Variants in MAF observed in about 807,000 individuals in gnomAD.
The protein encoded by MAF is transcription factor Maf.
In MAF, 10 loss-of-function variants were observed where a neutral mutation model predicts 22.0. The ratio of observed to expected loss-of-function variants is 0.45; its 90% confidence interval spans 0.28 to 0.77. The LOEUF (loss-of-function observed/expected upper bound fraction) is 0.77. Among genes scored for constraint, MAF ranks in the 30% least tolerant of loss-of-function variants. The pLI is 0.12. For missense variants in MAF, 544 were observed against 548.4 expected (o/e 0.99, Z 0.08); for synonymous variants, 337 against 255.8 (o/e 1.32, Z -3.03).
the MAF span, among the ~76,000 whole-genome samples, chr16:79,225,032 C>CAA: frequency 2.0e-5 from 3 of 152,154 alleles, no homozygotes; most frequent in South Asian, 6.2e-4. Flanking sequence ...CATATGGAAC[C>CAA]AAAAAAGAGC....
At chr16:79,496,118 A>C in the MAF span, among the ~76,000 whole-genome samples, 3 of 152,144 alleles carry the variant, frequency 2.0e-5, no homozygotes, top group African/African-American at 7.2e-5. Flanking sequence ...AAAAATTATG[A>C]GATAAAAATG....
At chr16:79,404,876 TTCTC>T in the MAF span, among the ~76,000 whole-genome samples, 11 of 152,114 alleles carry the variant, frequency 7.2e-5, no homozygotes, top group African/African-American at 2.7e-4. Flanking sequence ...GCTCCCCTCC[TTCTC>T]TCTCTCTTCT....
chr16:79,245,830 G>A, the MAF span, among the ~76,000 whole-genome samples: 10 of 152,030 alleles, frequency 6.6e-5, 1 homozygote, highest in African/African-American at 2.4e-5. Context: ...GTGATAGACT[G>A]GATAAAGAAA....
At chr16:79,286,921 C>T in the MAF span, among the ~76,000 whole-genome samples, 2 of 152,146 alleles carry the variant, frequency 1.3e-5, no homozygotes, top group Admixed American at 1.3e-4. Context: ...TGGAGTATGG[C>T]ACAGACCTGA....
the MAF span, among the ~76,000 whole-genome samples, chr16:79,529,127 T>A: frequency 6.6e-6 from 1 of 152,186 alleles, no homozygotes; most frequent in Non-Finnish European, 1.5e-5. Context: ...GCTACATCAG[T>A]GGCCTCCTGA....
the MAF span, among the ~76,000 whole-genome samples, chr16:79,498,489 G>A: frequency 4.6e-5 from 7 of 152,334 alleles, 1 homozygote; most frequent in South Asian, 1.5e-3. Flanking sequence ...CAGGCTTCAG[G>A]CTAGCTTTGG....
chr16:79,302,385 GAA>G, the MAF span, among the ~76,000 whole-genome samples: 1 of 151,890 alleles, frequency 6.6e-6, no homozygotes, highest in Non-Finnish European at 1.5e-5. Context: ...AGGCTACCAA[GAA>G]AAGTGGTCAG....
chr16:79,336,226 C>G, the MAF span, among the ~76,000 whole-genome samples: 2 of 152,208 alleles, frequency 1.3e-5, no homozygotes, highest in African/African-American at 4.8e-5. Flanking sequence ...CACTACTTGT[C>G]ACATGGCAGC....
chr16:79,557,064 C>T, the MAF span, among the ~76,000 whole-genome samples: 1 of 151,874 alleles, frequency 6.6e-6, no homozygotes, highest in Non-Finnish European at 1.5e-5. Flanking sequence ...GTGATCCTCC[C>T]AGGTAGCTGC....
the MAF span, among the ~76,000 whole-genome samples, chr16:79,243,222 G>C: frequency 6.6e-6 from 1 of 151,878 alleles, no homozygotes; most frequent in African/African-American, 2.4e-5. Context: ...GAAGGTGATA[G>C]AGACACAAAA....
the MAF span, among the ~76,000 whole-genome samples, chr16:79,464,281 G>C: frequency 6.6e-6 from 1 of 152,186 alleles, no homozygotes; most frequent in Non-Finnish European, 1.5e-5. Flanking sequence ...CAAGCATGAA[G>C]TGTGCGTAGA....
At chr16:79,368,689 A>G in the MAF span, among the ~76,000 whole-genome samples, 14 of 152,248 alleles carry the variant, frequency 9.2e-5, no homozygotes, top group East Asian at 2.3e-3. Context: ...GCTCACTTCA[A>G]TGACAATGGC....
chr16:79,582,623 T>A (rs1286517938), downstream of MAF, among the ~76,000 whole-genome samples: 1 of 152,180 alleles, frequency 6.6e-6, no homozygotes, highest in Non-Finnish European at 1.5e-5. Context: ...GATGTGGTAG[T>A]TAGGGAGGAG....
chr16:79,421,626 T>A, the MAF span, among the ~76,000 whole-genome samples: 1 of 138,136 alleles, frequency 7.2e-6, no homozygotes, highest in East Asian at 2.3e-4. Context: ...AGTTAGTAAA[T>A]GAAGAAAAGT....
Position 79,600,525 on chromosome 16 carries a change from C to T in MAF, c.-623G>A, listed in dbSNP as rs1450402790. On this transcript the variant is annotated 5_prime_UTR_variant, in exon 1 of 2. Coordinates refer to ENST00000326043, the MANE Select transcript of MAF (RefSeq NM_005360.5). ...TCTCTCCCTCGCGCGCTCTCTACCTCTGTGCAAAGTGCAAGGCAGAGGTGC... is the reference window on the plus strand; with the variant it reads ...TCTCTCCCTCGCGCGCTCTCTACCTTTGTGCAAAGTGCAAGGCAGAGGTGC... The T allele has an allele frequency of 5.1e-6, 1 of 194,702 alleles. No homozygotes were observed. Among genetic ancestry groups the T allele is most frequent in the African/African-American group, 2.4e-5 (1 of 42,078 alleles). The allele number at this position is 194,702 out of a possible 1,614,324, so 12.1% of individuals were successfully genotyped here. A position where few individuals can be genotyped will look rare whatever the true frequency, so the allele number is the denominator to read the frequency against.
At chr16:79,466,579 C>G in the MAF span, among the ~76,000 whole-genome samples, 1 of 152,212 alleles carries the variant, frequency 6.6e-6, no homozygotes, top group Non-Finnish European at 1.5e-5. Context: ...GCACCTTCAG[C>G]TGCATGATGC....
At chr16:79,406,985 A>G in the MAF span, among the ~76,000 whole-genome samples, 1 of 152,166 alleles carries the variant, frequency 6.6e-6, no homozygotes, top group Non-Finnish European at 1.5e-5. Context: ...AGCTGCAGGG[A>G]CAGTAGGCTG....
At chr16:79,300,862 A>G in the MAF span, among the ~76,000 whole-genome samples, 1 of 152,108 alleles carries the variant, frequency 6.6e-6, no homozygotes, top group Non-Finnish European at 1.5e-5. Context: ...GTCAATAAAA[A>G]TTTACTACAA....
chr16:79,313,259 C>A, the MAF span, among the ~76,000 whole-genome samples: 3 of 152,120 alleles, frequency 2.0e-5, no homozygotes, highest in Admixed American at 1.3e-4. Context: ...TTTCACTTAA[C>A]AACATGATTA....
Sources: allele counts gnomAD v4.1 joint callset (sites outside exome capture counted in the v4.1 genomes callset), GRCh38; gene constraint gnomAD v4.1.1; transcripts MANE v1.5; gene names NCBI Gene and HGNC (gene_info 2026-07-23, HGNC 2026-07-21).